The following ZNF292 variants were observed in gnomAD, a reference collection of about 807,000 sequenced individuals.
ZNF292 encodes the protein 16 zinc-finger domain protein.
ZNF292 carries 26 observed loss-of-function variants against 217.9 expected under a neutral mutation model. That is an observed-to-expected ratio of 0.12 (90% CI 0.09 to 0.17). ZNF292 has a LOEUF of 0.17. ZNF292 is among the 10% of genes least tolerant of loss of function. The probability of loss-of-function intolerance (pLI) is 1.00; values close to 1 mark genes in which losing one functional copy is unlikely to be tolerated. For missense variants in ZNF292, 2,904 were observed against 3,175.2 expected, an observed-to-expected ratio of 0.91 and a Z score of 2.05; for synonymous variants, 1,257 against 1,124.1, an observed-to-expected ratio of 1.12 and a Z score of -2.37.
chr6:87,168,046 C>T (rs1026897041), intron 1 of ZNF292, among the ~76,000 whole-genome samples: 1 of 152,150 alleles, frequency 6.6e-6, no homozygotes, highest in Admixed American at 6.5e-5. Flanking sequence ...TACCTAATTT[C>T]CATAATCTGC....
chr6:87,177,281 C>G (rs958066987), intron 1 of ZNF292, among the ~76,000 whole-genome samples: 2 of 151,152 alleles, frequency 1.3e-5, no homozygotes, highest in Non-Finnish European at 2.9e-5. Context: ...GAGCCGAGAT[C>G]GCACCACTGT....
intron 1 of ZNF292, among the ~76,000 whole-genome samples, chr6:87,182,730 A>C (rs1771507981): frequency 6.6e-6 from 1 of 152,236 alleles, no homozygotes; most frequent in Non-Finnish European, 1.5e-5. Flanking sequence ...TTGATTCCAT[A>C]GCAACGTGTT....
chr6:87,193,237 G>A (rs943450659), intron 1 of ZNF292, among the ~76,000 whole-genome samples: 1 of 152,100 alleles, frequency 6.6e-6, no homozygotes, highest in African/African-American at 2.4e-5. Context: ...AGGGGAAAAC[G>A]TACCTGAGCT....
chr6:87,226,626 T>C (rs1773355585), intron 4 of ZNF292, among the ~76,000 whole-genome samples: 1 of 145,070 alleles, frequency 6.9e-6, no homozygotes, highest in African/African-American at 2.6e-5. Context: ...TTTTTTAGTG[T>C]GTGTATATAT....
intron 7 of ZNF292, among the ~76,000 whole-genome samples, chr6:87,252,133 GTTGT>G (rs1774949308): frequency 6.9e-6 from 1 of 144,596 alleles, no homozygotes; most frequent in Admixed American, 6.8e-5. Flanking sequence ...CTTTCTGTTT[GTTGT>G]TTGTTTTTTT....
chr6:87,256,236 A>T lies in ZNF292; in HGVS notation c.2607A>T (p.Arg869Ser), dbSNP rs1311746945. ...CAGCAGAGAATATTGAGAAAGAAAG[A>T]TCTATGCTTCCTTCAGAAAATAACA... Reference protein sequence around the residue: ...QNTAENIEKERSMLPSENNIE... With the variant: ...QNTAENIEKESSMLPSENNIE... Residue 869 changes from arginine (R) to serine (S), a missense_variant, in exon 8 of 8, where the codon AGA becomes AGT. Arg to Ser is a moderately radical substitution (Grantham distance 110). This residue lies in a region of ZNF292 where 687 missense variants were observed against 623.0 expected (regional missense o/e 1.10). Coordinates refer to ENST00000369577, the MANE Select transcript of ZNF292 (RefSeq NM_015021.3). 6.2e-7 allele frequency: 1 copy of T among 1,613,864 alleles called. No homozygotes were observed. The highest frequency in any genetic ancestry group is 1.1e-5 in the South Asian group (1 of 91,074).
rs866902737 is a variant in ZNF292 at position 87,261,351 on chromosome 6, TGAG to T, written c.7726_7728del (p.Glu2576del). The T allele has an allele frequency of 4.3e-6, 7 of 1,613,378 alleles. No homozygotes were observed. The Admixed American group carries it at 5.0e-5, about 12-fold the overall frequency. On this transcript the variant is annotated inframe_deletion, in exon 8 of 8. Transcript: ENST00000369577. ...AAACTGCTGTTGCCATTCAAACCAT[TGAG>T]GAGCATCCTGCATCTTTTGACTGGA...
At chr6:87,242,721 A>G (rs1774356518) in intron 5 of ZNF292, among the ~76,000 whole-genome samples, 1 of 152,206 alleles carries the variant, frequency 6.6e-6, no homozygotes, top group Non-Finnish European at 1.5e-5. Flanking sequence ...AGATGCTTGT[A>G]GCAATCACAG....
rs1426832113 is a variant in ZNF292 at position 87,264,700 on chromosome 6, G to C, written c.*2899G>C. 3.9e-5 allele frequency among the ~76,000 whole-genome samples: 6 copies of C among 152,142 alleles called. No homozygotes were observed. Among genetic ancestry groups the C allele is most frequent in the Non-Finnish European group, 8.8e-5 (6 of 68,026 alleles). On this transcript the variant is annotated 3_prime_UTR_variant, in exon 8 of 8. Coordinates refer to ENST00000369577, the MANE Select transcript of ZNF292 (RefSeq NM_015021.3). ...CTTGGAAAGATAGGAAGTTGAAGAA[G>C]GTGAAGCTGAAGAAGCAGATGGGTG...
intron 1 of ZNF292, among the ~76,000 whole-genome samples, chr6:87,158,114 T>A (rs1275596301): frequency 6.6e-6 from 1 of 152,228 alleles, no homozygotes; most frequent in Non-Finnish European, 1.5e-5. Flanking sequence ...CATAAATTGT[T>A]ATTGATGCTA....
At chr6:87,252,630 A>G (rs1241900053) in intron 7 of ZNF292, among the ~76,000 whole-genome samples, 1 of 151,958 alleles carries the variant, frequency 6.6e-6, no homozygotes, top group Non-Finnish European at 1.5e-5. Flanking sequence ...TTCCTCCCAG[A>G]CTTCTTTCTT....
intron 4 of ZNF292, among the ~76,000 whole-genome samples, chr6:87,226,819 C>T (rs1336200457): frequency 6.6e-6 from 1 of 151,844 alleles, no homozygotes; most frequent in Non-Finnish European, 1.5e-5. Flanking sequence ...GCGGGGACTA[C>T]AGGCATGCAC....
chr6:87,210,653 G>A (rs570944724), intron 1 of ZNF292, among the ~76,000 whole-genome samples: 42 of 152,178 alleles, frequency 2.8e-4, no homozygotes, highest in Non-Finnish European at 4.7e-4. Flanking sequence ...GGTGGCGGGC[G>A]TCTGTAGTCC....
chr6:87,189,782 C>T (rs1771775046), intron 1 of ZNF292, among the ~76,000 whole-genome samples: 1 of 152,118 alleles, frequency 6.6e-6, no homozygotes, highest in African/African-American at 2.4e-5. Context: ...TAAAGTTATT[C>T]TTCACCCTTC....
At chr6:87,247,300 C>CATGA (rs1774652618) in intron 7 of ZNF292, among the ~76,000 whole-genome samples, 1 of 151,428 alleles carries the variant, frequency 6.6e-6, no homozygotes, top group African/African-American at 2.4e-5. Flanking sequence ...CACGTGCATG[C>CATGA]ATGCATGCAT....
intron 1 of ZNF292, among the ~76,000 whole-genome samples, chr6:87,181,848 AT>A (rs150862987): frequency 2.0e-5 from 3 of 151,056 alleles, no homozygotes; most frequent in Admixed American, 2.0e-4. Flanking sequence ...CACCCAGCTA[AT>A]TTTTTTTTAT....
At chr6:87,252,391 G>A (rs1774965264) in intron 7 of ZNF292, among the ~76,000 whole-genome samples, 1 of 152,062 alleles carries the variant, frequency 6.6e-6, no homozygotes, top group South Asian at 2.1e-4. Flanking sequence ...GACCTCACAT[G>A]ATCCACCTGC....
intron 1 of ZNF292, among the ~76,000 whole-genome samples, chr6:87,199,227 G>T (rs772160919): frequency 2.0e-5 from 3 of 152,054 alleles, no homozygotes; most frequent in Non-Finnish European, 4.4e-5. Flanking sequence ...AGTTAAATTC[G>T]TATTTCCCTA....
chr6:87,254,752 A>G lies in ZNF292; in HGVS notation c.1123A>G (p.Ile375Val), dbSNP rs1237557927. ...TEVKISICKT[I>V]SCLLPDDLEV... ...AGTGAAAATATCTATTTGCAAGACC[A>G]TTTCATGTTTGTTGCCTGATGATCT... The change falls in exon 8 of 8, where the codon ATT (isoleucine) becomes GTT (valine). Residue 375 changes from isoleucine (I) to valine (V), a missense_variant. Around this residue, in one of 15 missense-constraint regions of ZNF292, gnomAD observed 313 missense variants for 451.0 expected, o/e 0.69. Coordinates refer to ENST00000369577, the MANE Select transcript of ZNF292 (RefSeq NM_015021.3). 6.2e-7 allele frequency: 1 copy of G among 1,613,932 alleles called. No individual in the cohort carries two copies. The highest frequency in any genetic ancestry group is 8.5e-7 in the Non-Finnish European group (1 of 1,179,832).
Sources: gnomAD v4.1 joint callset for allele counts (sites outside exome capture counted in the v4.1 genomes callset) on GRCh38, gnomAD v4.1.1 for gene constraint, gnomAD v4.1.1 regional missense constraint, MANE v1.5 for transcripts, NCBI Gene and HGNC (gene_info 2026-07-23, HGNC 2026-07-21) for gene names.